Variants in TTYH1 observed in about 807,000 individuals in gnomAD.
The protein encoded by TTYH1 is tweety family member 1.
TTYH1 carries 33 observed loss-of-function variants against 61.2 expected under a neutral mutation model. The observed-to-expected ratio is 0.54, with a 90% confidence interval of 0.41 to 0.72. The LOEUF (loss-of-function observed/expected upper bound fraction) is 0.72, where lower values mean the gene tolerates loss of function less well. TTYH1 is among the 30% of genes least tolerant of loss of function. TTYH1 has a pLI of 0.00. For missense variants in TTYH1, 538 were observed against 575.8 expected (o/e 0.93, Z 0.67); for synonymous variants, 308 against 266.4 (o/e 1.16, Z -1.52).
At chr19:54,423,450 C>T (rs1186844265) in intron 4 of TTYH1, among the ~76,000 whole-genome samples, 1 of 152,082 alleles carries the variant, frequency 6.6e-6, no homozygotes, top group Non-Finnish European at 1.5e-5. Context: ...CCCGCCTTGG[C>T]CTCTCAAAGT....
chr19:54,436,420 C>A lies in TTYH1; in HGVS notation c.*130C>A, dbSNP rs979617154. On this transcript the variant is annotated 3_prime_UTR_variant, in exon 14 of 14. Coordinates refer to ENST00000376530, the MANE Select transcript of TTYH1 (RefSeq NM_020659.4). The surrounding 1 kb of genome is among the most constrained non-coding windows in gnomAD (Gnocchi z 4.3). ...CACTCTTGGCCATGGACAGCCTGCA[C>A]AGGACCGCCTCCCTGCTCTTGGCCA... The A allele has an allele frequency of 1.7e-5, 27 of 1,599,632 alleles. No individual in the cohort carries two copies. The African/African-American group carries it at 2.0e-4, about 12-fold the overall frequency.
intron 1 of TTYH1, among the ~76,000 whole-genome samples, chr19:54,417,644 C>T (rs2083114926): frequency 6.6e-6 from 1 of 151,956 alleles, no homozygotes; most frequent in Non-Finnish European, 1.5e-5. Flanking sequence ...TATATGCTTA[C>T]ACACTCATGC....
chr19:54,415,995 C>G lies in TTYH1; in HGVS notation c.126+317C>G. On this transcript the variant is annotated intron_variant, in intron 1 of 13. Transcript: ENST00000376530. The surrounding 1 kb of genome is among the most constrained non-coding windows in gnomAD (Gnocchi z 5.2). ...TGATACCTGCCTGGGAAGCCGGCCT[C>G]CAGGGTCATCGGGAGGGTAGGTCTA... 1 of 1,334,786 alleles carries G rather than the reference C, an allele frequency of 7.5e-7. No individual in the cohort carries two copies. The highest frequency in any genetic ancestry group is 9.9e-7 in the Non-Finnish European group (1 of 1,006,422). 82.7% of individuals were successfully genotyped at this position (1,334,786 alleles called of 1,614,324 possible). A position where few individuals can be genotyped will look rare whatever the true frequency, so the allele number is the denominator to read the frequency against.
At chr19:54,427,056 T>C (rs2083334791) in intron 5 of TTYH1, among the ~76,000 whole-genome samples, 1 of 151,890 alleles carries the variant, frequency 6.6e-6, no homozygotes. Flanking sequence ...CCCAGCACTT[T>C]AGGAGGCCGA....
intron 7 of TTYH1, among the ~76,000 whole-genome samples, 197 bp from the exon 8 acceptor site, chr19:54,430,353 G>A (rs2083409985): frequency 6.6e-6 from 1 of 152,162 alleles, no homozygotes; most frequent in Non-Finnish European, 1.5e-5. Flanking sequence ...GTATAGGGTT[G>A]CCCACCAGCG....
At position 54,435,810 on chromosome 19, in the gene TTYH1, C is replaced by T. The variant is rs371353208; in HGVS notation, c.1269-18C>T. ...GTCCCCATCCCGCCTCTCTGCCATG[C>T]CCCGCATCAAACCCCAGTGACGACT... On this transcript the variant is annotated intron_variant, in intron 11 of 13. Transcript: ENST00000376530. 3.1e-6 allele frequency: 5 copies of T among 1,613,758 alleles called. No individual in the cohort carries two copies. The highest frequency in any genetic ancestry group is 4.2e-6 in the Non-Finnish European group (5 of 1,179,934).
At chr19:54,424,338 A>ATCAT (rs1195159281) in intron 4 of TTYH1, among the ~76,000 whole-genome samples, 5 of 152,092 alleles carry the variant, frequency 3.3e-5, no homozygotes, top group South Asian at 2.1e-4. Context: ...ACCATTAGTA[A>ATCAT]TCATTCATTC....
chr19:54,420,156 C>T lies in TTYH1; in HGVS notation c.305+850C>T, dbSNP rs747115152. Among the ~76,000 whole-genome samples, 31 of 152,166 alleles carry T rather than the reference C, an allele frequency of 2.0e-4. No individual in the cohort carries two copies. Among genetic ancestry groups the T allele is most frequent in the Non-Finnish European group, 4.3e-4 (29 of 68,014 alleles). Reference sequence around the variant, plus strand: ...ATGTGAACACACCAGCTACCAAGAACGAGCTCTGAGCACAGCCCCCTCCCC... The same window carrying T: ...ATGTGAACACACCAGCTACCAAGAATGAGCTCTGAGCACAGCCCCCTCCCC... On this transcript the variant is annotated intron_variant, in intron 2 of 13. Transcript: ENST00000376530. This position sits in a 1 kb window ranked among gnomAD's most constrained non-coding sequence, Gnocchi z 4.8.
intron 10 of TTYH1, chr19:54,435,153 G>A: frequency 5.2e-6 from 1 of 191,918 alleles, no homozygotes; most frequent in Admixed American, 5.8e-5. Flanking sequence ...GGAAGTAGCA[G>A]TTCTCACGTT....
chr19:54,422,430 GCT>G lies in TTYH1; in HGVS notation c.638+25_638+26del, dbSNP rs1189037165. 2.0e-5 allele frequency: 30 copies of G among 1,496,756 alleles called. No individual in the cohort carries two copies. Among genetic ancestry groups the G allele is most frequent in the Non-Finnish European group, 2.5e-5 (28 of 1,114,712 alleles). 92.7% of individuals were successfully genotyped at this position (1,496,756 alleles called of 1,614,324 possible). On this transcript the variant is annotated intron_variant, in intron 4 of 13. Coordinates refer to ENST00000376530, the MANE Select transcript of TTYH1 (RefSeq NM_020659.4). ...GTACAGGTGAGACGCTGCTCTTCTTGCTCTCTGTGCCGGCAGCTCTCAGGCGG... is the reference window on the plus strand; with the variant it reads ...GTACAGGTGAGACGCTGCTCTTCTTGCTCTGTGCCGGCAGCTCTCAGGCGG...
In TTYH1 at chr19:54,415,975, C is replaced by T. The variant is rs978729392; in HGVS notation, c.126+297C>T. 1.6e-6 allele frequency: 2 copies of T among 1,265,800 alleles called. No homozygotes were observed. The highest frequency in any genetic ancestry group is 2.1e-6 in the Non-Finnish European group (2 of 939,530). The allele number at this position is 1,265,800 out of a possible 1,614,324, so 78.4% of individuals were successfully genotyped here. A position where few individuals can be genotyped will look rare whatever the true frequency, so the allele number is the denominator to read the frequency against. On this transcript the variant is annotated intron_variant, in intron 1 of 13. Coordinates refer to ENST00000376530, the MANE Select transcript of TTYH1 (RefSeq NM_020659.4). The surrounding 1 kb of genome is among the most constrained non-coding windows in gnomAD (Gnocchi z 5.2). ...GGCCCGGATTCCCGGGTGTCTGATA[C>T]CTGCCTGGGAAGCCGGCCTCCAGGG...
rs1211650532 is a variant in TTYH1, at chr19:54,416,801, A to C, written c.126+1123A>C. The C allele has an allele frequency of 7.7e-7, 1 of 1,294,072 alleles. No homozygotes were observed. The highest frequency in any genetic ancestry group is 1.5e-5 in the African/African-American group (1 of 65,948). 80.2% of individuals were successfully genotyped at this position (1,294,072 alleles called of 1,614,324 possible). A position where few individuals can be genotyped will look rare whatever the true frequency, so the allele number is the denominator to read the frequency against. On this transcript the variant is annotated intron_variant, in intron 1 of 13. Transcript: ENST00000376530. The surrounding 1 kb of genome is among the most constrained non-coding windows in gnomAD (Gnocchi z 7.0). ...CCCTCGCCCACAGCCTCGCGGTTAC[A>C]CAACGGCCACCTCCAACAACGCCGC...
At chr19:54,426,808 A>G (rs1569260754) in intron 5 of TTYH1, 40 bp downstream of exon 5, 1 of 1,563,826 alleles carries the variant, frequency 6.4e-7, no homozygotes, top group Non-Finnish European at 8.8e-7. Flanking sequence ...CTTGCCTGGC[A>G]CTCTCCTGGC....
At chr19:54,428,835 C>T (rs528850423) in intron 5 of TTYH1, among the ~76,000 whole-genome samples, 51 of 152,232 alleles carry the variant, frequency 3.4e-4, no homozygotes, top group Admixed American at 1.6e-3. Flanking sequence ...TTCTTGCTTA[C>T]TGGTCACCCT....
chr19:54,428,992 T>TA (rs1341723301), intron 5 of TTYH1, among the ~76,000 whole-genome samples: 1 of 152,018 alleles, frequency 6.6e-6, no homozygotes, highest in Non-Finnish European at 1.5e-5. Context: ...GGGGGAGCCT[T>TA]CGGGGGAAGT....
In TTYH1 at chr19:54,420,635, A is replaced by G; in HGVS notation, c.306-642A>G. On this transcript the variant is annotated intron_variant, in intron 2 of 13. Transcript: ENST00000376530. The surrounding 1 kb of genome is among the most constrained non-coding windows in gnomAD (Gnocchi z 4.8). The stretch of plus-strand genomic sequence containing the variant: ...GTGTCGGTAGGGTGGGGGCGGGGGC[A>G]CGGCTTCTCGCCCATCCTCCAGCCT... 1 of 165,314 alleles carries G rather than the reference A, an allele frequency of 6.0e-6. No homozygotes were observed. The allele number at this position is 165,314 out of a possible 1,614,324, so 10.2% of individuals were successfully genotyped here. A position where few individuals can be genotyped will look rare whatever the true frequency, so the allele number is the denominator to read the frequency against.
chr19:54,423,645 T>C (rs2083264132), intron 4 of TTYH1, among the ~76,000 whole-genome samples: 1 of 152,162 alleles, frequency 6.6e-6, no homozygotes, highest in Non-Finnish European at 1.5e-5. Context: ...TCCCCCTTGT[T>C]GAATTGGTTC....
chr19:54,416,314 G>C lies in TTYH1; in HGVS notation c.126+636G>C. On this transcript the variant is annotated intron_variant, in intron 1 of 13. Transcript: ENST00000376530. This position sits in a 1 kb window ranked among gnomAD's most constrained non-coding sequence, Gnocchi z 7.0. Reference sequence around the variant, plus strand: ...AGGGCCGAGATGAGGCTGGGTTTGGGGAGCCTCGGGATGACAGACCCGGGT... The same window carrying C: ...AGGGCCGAGATGAGGCTGGGTTTGGCGAGCCTCGGGATGACAGACCCGGGT... 1 of 265,952 alleles carries C rather than the reference G, an allele frequency of 3.8e-6. No homozygotes were observed. 16.5% of individuals were successfully genotyped at this position (265,952 alleles called of 1,614,324 possible). A position where few individuals can be genotyped will look rare whatever the true frequency, so the allele number is the denominator to read the frequency against.
rs2083552931 is a variant in TTYH1 at position 54,436,352 on chromosome 19, A to C, written c.*62A>C. On this transcript the variant is annotated 3_prime_UTR_variant, in exon 14 of 14. Coordinates refer to ENST00000376530, the MANE Select transcript of TTYH1 (RefSeq NM_020659.4). The surrounding 1 kb of genome is among the most constrained non-coding windows in gnomAD (Gnocchi z 4.3). ...CCGCAGTTCCTTCCCTGGCTGCCGGAGGAGACCCCACTAACCCAGCCTGCC... is the reference window on the plus strand; with the variant it reads ...CCGCAGTTCCTTCCCTGGCTGCCGGCGGAGACCCCACTAACCCAGCCTGCC... The C allele has an allele frequency of 6.2e-7, 1 of 1,613,948 alleles. No homozygotes were observed. The highest frequency in any genetic ancestry group is 8.5e-7 in the Non-Finnish European group (1 of 1,179,956).
Sources: allele counts gnomAD v4.1 joint callset (sites outside exome capture counted in the v4.1 genomes callset), GRCh38; gene constraint gnomAD v4.1.1; non-coding constraint Gnocchi (gnomAD v3.1); transcripts MANE v1.5; gene names NCBI Gene and HGNC (gene_info 2026-07-23, HGNC 2026-07-21).